CNTN5: variants seen among roughly 807,000 people sequenced by gnomAD.
The protein encoded by CNTN5 is contactin-5.
Under a neutral mutation model 129.1 loss-of-function variants are expected in CNTN5, and 77 were observed. The observed-to-expected ratio is 0.60, with a 90% CI of 0.50 to 0.72. The LOEUF (loss-of-function observed/expected upper bound fraction) is 0.72. Among genes scored for constraint, CNTN5 ranks in the 30% least tolerant of loss-of-function variants. The probability of loss-of-function intolerance (pLI) is 0.00; values close to 1 mark genes in which losing one functional copy is unlikely to be tolerated. For synonymous variants in CNTN5, 509 were observed against 465.6 expected, an observed-to-expected ratio of 1.09 and a Z score of -1.20; for missense variants, 1,478 against 1,328.8, an observed-to-expected ratio of 1.11 and a Z score of -1.75.
intron 2 of CNTN5, among the ~76,000 whole-genome samples, chr11:99,348,713 G>A (rs1938082370): frequency 6.6e-6 from 1 of 152,276 alleles, no homozygotes; most frequent in South Asian, 2.1e-4. Context: ...CCAGTTGACA[G>A]TGTGTATGTG....
intron 7 of CNTN5, among the ~76,000 whole-genome samples, chr11:99,938,624 T>A (rs1001273367): frequency 3.3e-5 from 5 of 152,122 alleles, no homozygotes; most frequent in African/African-American, 9.6e-5. Flanking sequence ...TGTCCTGATA[T>A]ATAGAATTGT....
At chr11:99,322,055 C>T (rs1865596643) in intron 1 of CNTN5, among the ~76,000 whole-genome samples, 1 of 152,264 alleles carries the variant, frequency 6.6e-6, no homozygotes, top group East Asian at 1.9e-4. Flanking sequence ...TTCCCCAGAT[C>T]TCCTTGTCCC....
chr11:100,220,309 G>A (rs1432141064), intron 15 of CNTN5, among the ~76,000 whole-genome samples: 2 of 151,706 alleles, frequency 1.3e-5, no homozygotes, highest in Non-Finnish European at 2.9e-5. Context: ...CCTCTTGGAA[G>A]AAGAAATACT....
intron 1 of CNTN5, among the ~76,000 whole-genome samples, chr11:99,201,696 T>C (rs191483682): frequency 3.9e-4 from 60 of 152,180 alleles, no homozygotes; most frequent in Non-Finnish European, 7.9e-4. Context: ...GTCAGTCAAA[T>C]AAAGATGTAA....
chr11:99,749,923 T>C (rs1384649672), intron 3 of CNTN5, among the ~76,000 whole-genome samples: 2 of 152,152 alleles, frequency 1.3e-5, no homozygotes, highest in African/African-American at 4.8e-5. Flanking sequence ...CTTGAAACAA[T>C]GGGATGTTGA....
chr11:99,038,046 T>C (rs2135124726), intron 1 of CNTN5, among the ~76,000 whole-genome samples: 1 of 152,290 alleles, frequency 6.6e-6, no homozygotes, highest in South Asian at 2.1e-4. Flanking sequence ...CATTCTGCTC[T>C]AAATAATATA....
intron 1 of CNTN5, among the ~76,000 whole-genome samples, chr11:99,104,457 G>A (rs1866899973): frequency 6.6e-6 from 1 of 152,030 alleles, no homozygotes; most frequent in South Asian, 2.1e-4. Flanking sequence ...TTAGATAGAA[G>A]GAATACATTT....
intron 2 of CNTN5, among the ~76,000 whole-genome samples, chr11:99,510,289 CTGT>C (rs899673962): frequency 2.6e-5 from 4 of 151,952 alleles, no homozygotes; most frequent in African/African-American, 9.7e-5. Flanking sequence ...AAAGATTTAT[CTGT>C]TGTTATAGGT....
intron 3 of CNTN5, among the ~76,000 whole-genome samples, chr11:99,814,545 A>G (rs549610228): frequency 2.9e-4 from 44 of 152,040 alleles, no homozygotes; most frequent in Middle Eastern, 3.4e-3. Flanking sequence ...CGACAGTTGG[A>G]CTTAAATTAG....
chr11:100,356,083 T>A, intron 24 of CNTN5, 34 bp from the exon 25 acceptor site: 5 of 1,447,504 alleles, frequency 3.5e-6, no homozygotes, highest in Non-Finnish European at 4.8e-6. Context: ...AAAACCAAGA[T>A]AATTTGCTCC....
At chr11:99,928,545 A>G (rs1950116063) in intron 7 of CNTN5, among the ~76,000 whole-genome samples, 1 of 152,202 alleles carries the variant, frequency 6.6e-6, no homozygotes, top group Non-Finnish European at 1.5e-5. Flanking sequence ...GGAAGATGCC[A>G]AAGTGTGGGG....
rs1865201856 is a variant in CNTN5 at position 99,313,424 on chromosome 11, T to G, written c.-209-11922T>G. On this transcript the variant is annotated intron_variant, in intron 1 of 24. Transcript: ENST00000524871. The stretch of plus-strand genomic sequence containing the variant: ...AAGAACAAATGCCCATCCACTAACT[T>G]ATTCTAGACTTAAGACTTTTTTTAC... 1.3e-5 allele frequency among the ~76,000 whole-genome samples: 2 copies of G among 152,106 alleles called. 1 individual carries two copies. Among genetic ancestry groups the G allele is most frequent in the Non-Finnish European group, 2.9e-5 (2 of 67,946 alleles).
chr11:99,246,565 A>C (rs1347858307), intron 1 of CNTN5, among the ~76,000 whole-genome samples: 2 of 152,120 alleles, frequency 1.3e-5, no homozygotes, highest in Admixed American at 1.3e-4. Context: ...TGTCCATATA[A>C]ATACCTCCAA....
At chr11:99,768,787 T>A (rs1226916855) in intron 3 of CNTN5, among the ~76,000 whole-genome samples, 1 of 152,136 alleles carries the variant, frequency 6.6e-6, no homozygotes. Flanking sequence ...TCTGCCAGAC[T>A]TATTTATTCT....
At chr11:100,272,700 T>C (rs925969481) in intron 18 of CNTN5, among the ~76,000 whole-genome samples, 7 of 151,976 alleles carry the variant, frequency 4.6e-5, no homozygotes, top group African/African-American at 7.3e-5. Context: ...GGGGAAAACG[T>C]TGGGACCCCT....
At chr11:99,698,708 T>C (rs1954381354) in intron 3 of CNTN5, among the ~76,000 whole-genome samples, 1 of 151,522 alleles carries the variant, frequency 6.6e-6, no homozygotes, top group African/African-American at 2.4e-5. Context: ...TACAGAAGTG[T>C]CTTTACAATT....
intron 3 of CNTN5, among the ~76,000 whole-genome samples, chr11:99,706,597 C>T (rs183606327): frequency 7.7e-4 from 117 of 151,408 alleles, no homozygotes; most frequent in African/African-American, 1.1e-3. Flanking sequence ...TTTAAAATTC[C>T]CATTTTCTAA....
chr11:99,108,538 C>T (rs1192501493), intron 1 of CNTN5, among the ~76,000 whole-genome samples: 1 of 152,112 alleles, frequency 6.6e-6, no homozygotes, highest in Non-Finnish European at 1.5e-5. Context: ...TAACTATACA[C>T]TCCACGACAT....
intron 3 of CNTN5, among the ~76,000 whole-genome samples, chr11:99,561,484 A>T (rs1192062649): frequency 1.3e-5 from 2 of 152,170 alleles, no homozygotes; most frequent in African/African-American, 4.8e-5. Context: ...GGTGTGAAAT[A>T]AATATCTCTT....
Sources: gnomAD v4.1 joint callset for allele counts (sites outside exome capture counted in the v4.1 genomes callset) on GRCh38, gnomAD v4.1.1 for gene constraint, MANE v1.5 for transcripts, NCBI Gene and HGNC (gene_info 2026-07-23, HGNC 2026-07-21) for gene names.